Variants in ABLIM2 observed in about 807,000 individuals in gnomAD.
The protein encoded by ABLIM2 is actin binding LIM protein family member 2, also known as actin-binding LIM protein 2.
In ABLIM2, 53 loss-of-function variants were observed where a neutral mutation model predicts 97.7. That is an observed-to-expected ratio of 0.54 (90% CI 0.44 to 0.68). ABLIM2 has a LOEUF of 0.68. Among genes scored for constraint, ABLIM2 ranks in the 30% least tolerant of loss-of-function variants. The probability of loss-of-function intolerance (pLI) is 0.00; values close to 1 mark genes in which losing one functional copy is unlikely to be tolerated. For synonymous variants in ABLIM2, 361 were observed against 345.8 expected, an observed-to-expected ratio of 1.04 and a Z score of -0.49; for missense variants, 835 against 867.2, an observed-to-expected ratio of 0.96 and a Z score of 0.47.
At position 8,046,817 on chromosome 4, in the gene ABLIM2, C is replaced by T. The variant is rs140181458; in HGVS notation, c.823-1576G>A. Among the ~76,000 whole-genome samples, 131 of 152,208 alleles carry T rather than the reference C, an allele frequency of 8.6e-4. No individual in the cohort carries two copies. In the Middle Eastern group the frequency reaches 0.01, roughly 12 times the overall value. On this transcript the variant is annotated intron_variant, in intron 8 of 20. Transcript: ENST00000447017. This position sits in a 1 kb window ranked among gnomAD's most constrained non-coding sequence, Gnocchi z 4.4. ...TAATCTGTTATGCCTGGGGTTTCTA[C>T]GAGCAGGGATCAGGACACAGACACA...
chr4:8,027,875 G>T lies in ABLIM2; in HGVS notation c.1169-18C>A. 1 of 1,551,884 alleles carries T rather than the reference G, an allele frequency of 6.4e-7. No homozygotes were observed. Among genetic ancestry groups the T allele is most frequent in the Non-Finnish European group, 8.7e-7 (1 of 1,149,378 alleles). ...AGTACCAGCTACGGGGTAACAGAGA[G>T]CAAGTCAGAGTCAACCTGGGCTGGC... On this transcript the variant is annotated intron_variant, in intron 11 of 20. Transcript: ENST00000447017.
At chr4:7,991,358 A>G (rs1320419161) in intron 17 of ABLIM2, among the ~76,000 whole-genome samples, 1 of 151,970 alleles carries the variant, frequency 6.6e-6, no homozygotes, top group African/African-American at 2.4e-5. Flanking sequence ...TATTGAGGAA[A>G]GTCTCCAGGA....
chr4:8,048,241 C>T lies in ABLIM2; in HGVS notation c.823-3000G>A, dbSNP rs141923625. Among the ~76,000 whole-genome samples, 1,251 of 152,322 alleles carry T rather than the reference C, an allele frequency of 8.2e-3. 13 individuals are homozygous for T. Among genetic ancestry groups the T allele is most frequent in the Non-Finnish European group, 0.014 (942 of 68,030 alleles). ...AGGCTGGAGCTTTTTCTGACTTTCT[C>T]CCTACCCAACTCCAATCGCACAAAG... On this transcript the variant is annotated intron_variant, in intron 8 of 20. Coordinates refer to ENST00000447017, the MANE Select transcript of ABLIM2 (RefSeq NM_001130083.2).
rs1277731184 is a variant in ABLIM2, at chr4:8,127,540, G to A, written c.11-20903C>T. The A allele has an allele frequency of 7.8e-7, 1 of 1,289,654 alleles. No homozygotes were observed. The highest frequency in any genetic ancestry group is 1.0e-6 in the Non-Finnish European group (1 of 988,854). The allele number at this position is 1,289,654 out of a possible 1,614,324, so 79.9% of individuals were successfully genotyped here. A position where few individuals can be genotyped will look rare whatever the true frequency, so the allele number is the denominator to read the frequency against. On this transcript the variant is annotated intron_variant, in intron 1 of 20. Transcript: ENST00000447017. The surrounding 1 kb of genome is among the most constrained non-coding windows in gnomAD (Gnocchi z 7.3). ...GGTCTGGGCAAAAGCGCAGTTTGGG[G>A]ATTTACCTGTGTCTCCCCCTGGCAC...
At position 8,061,166 on chromosome 4, in the gene ABLIM2, T is replaced by G; in HGVS notation, c.676-112A>C. 1 of 894,466 alleles carries G rather than the reference T, an allele frequency of 1.1e-6. No individual in the cohort carries two copies. Among genetic ancestry groups the G allele is most frequent in the Non-Finnish European group, 1.7e-6 (1 of 576,950 alleles). 55.4% of individuals were successfully genotyped at this position (894,466 alleles called of 1,614,324 possible). On this transcript the variant is annotated intron_variant, in intron 6 of 20. Transcript: ENST00000447017. The surrounding 1 kb of genome is among the most constrained non-coding windows in gnomAD (Gnocchi z 4.5). Reference sequence around the variant, plus strand: ...CTGAGCACAGGTACTCAGGGGATACTGGAAGGGCCAGCCCCCACCATCGGG... The same window carrying G: ...CTGAGCACAGGTACTCAGGGGATACGGGAAGGGCCAGCCCCCACCATCGGG...
chr4:8,011,170 C>A (rs1238226451), intron 14 of ABLIM2, among the ~76,000 whole-genome samples: 1 of 152,228 alleles, frequency 6.6e-6, no homozygotes, highest in Non-Finnish European at 1.5e-5. Flanking sequence ...CAGGGACTTT[C>A]CTTGGCCATG....
In ABLIM2 at chr4:8,106,477, G is replaced by A; in HGVS notation, c.154+17C>T. The A allele has an allele frequency of 1.9e-6, 3 of 1,584,490 alleles. No homozygotes were observed. Among genetic ancestry groups the A allele is most frequent in the Non-Finnish European group, 2.6e-6 (3 of 1,165,384 alleles). ...CCGTTTCAGGGGCCACACTGCAGGG[G>A]ACCGGGGGACACTCACCTTTACAGA... On this transcript the variant is annotated intron_variant, in intron 2 of 20. Transcript: ENST00000447017.
intron 20 of ABLIM2, among the ~76,000 whole-genome samples, chr4:7,976,802 C>A (rs1245104973): frequency 6.6e-6 from 1 of 152,086 alleles, no homozygotes; most frequent in Non-Finnish European, 1.5e-5. Context: ...TACACACATA[C>A]ACATGTATAC....
At chr4:8,006,945 A>G in intron 16 of ABLIM2, 2 of 851,350 alleles carry the variant, frequency 2.3e-6, no homozygotes, top group Non-Finnish European at 2.8e-6. Context: ...GGTATTTACA[A>G]AGCTGCACCC....
Position 8,061,462 on chromosome 4 carries a change from G to A in ABLIM2, c.676-408C>T, listed in dbSNP as rs188885369. On this transcript the variant is annotated intron_variant, in intron 6 of 20. Transcript: ENST00000447017. This position sits in a 1 kb window ranked among gnomAD's most constrained non-coding sequence, Gnocchi z 4.5. The stretch of plus-strand genomic sequence containing the variant: ...AGGGAAAGATAATATGATTTCCCTA[G>A]GTGCAAGAATTAGGGGAGTGGGGTG... Among the ~76,000 whole-genome samples, 215 of 152,154 alleles carry A rather than the reference G, an allele frequency of 1.4e-3. 1 individual carries two copies. The highest frequency in any genetic ancestry group is 2.6e-3 in the Non-Finnish European group (176 of 67,978).
chr4:8,036,869 C>T (rs562602467), intron 9 of ABLIM2, among the ~76,000 whole-genome samples: 9 of 151,842 alleles, frequency 5.9e-5, no homozygotes, highest in Admixed American at 2.0e-4. Flanking sequence ...CACACACAAA[C>T]ACACATATAG....
chr4:8,108,960 G>A (rs1274070884), intron 1 of ABLIM2, among the ~76,000 whole-genome samples: 3 of 152,262 alleles, frequency 2.0e-5, no homozygotes, highest in Admixed American at 2.0e-4. Context: ...CCAGGCCAGA[G>A]CGAGGAGTGG....
rs954976469 is a variant in ABLIM2 at position 8,075,562 on chromosome 4, G to A, written c.675+2066C>T. Among the ~76,000 whole-genome samples the A allele has an allele frequency of 2.0e-5, 3 of 152,034 alleles. No homozygotes were observed. Among genetic ancestry groups the A allele is most frequent in the South Asian group, 2.1e-4 (1 of 4,816 alleles). ...ACAAAAATTAGCCAGGTGTGGTGGC[G>A]CACACCTGTAGTCCCAGCTGGTCGG... On this transcript the variant is annotated intron_variant, in intron 6 of 20. Transcript: ENST00000447017. This position sits in a 1 kb window ranked among gnomAD's most constrained non-coding sequence, Gnocchi z 4.4.
chr4:8,041,130 T>G (rs995614876), intron 9 of ABLIM2, among the ~76,000 whole-genome samples: 1 of 152,232 alleles, frequency 6.6e-6, no homozygotes, highest in East Asian at 1.9e-4. Flanking sequence ...TGAGACACAG[T>G]GCACCACGCT....
chr4:8,158,682 G>A lies in ABLIM2; in HGVS notation c.8C>T (p.Ala3Val), dbSNP rs1242492605. The A allele has an allele frequency of 2.0e-6, 3 of 1,485,484 alleles. No homozygotes were observed. Among genetic ancestry groups the A allele is most frequent in the Admixed American group, 2.3e-5 (1 of 44,172 alleles). 92.0% of individuals were successfully genotyped at this position (1,485,484 alleles called of 1,614,324 possible). The change falls in exon 1 of 21, where the codon GCA becomes GTA. Residue 3 changes from alanine to valine, a missense_variant and splice_region_variant. Physicochemically the swap from Ala to Val is moderately conservative, Grantham distance 64. Coordinates refer to ENST00000447017, the MANE Select transcript of ABLIM2 (RefSeq NM_001130083.2). Reference sequence around the variant, plus strand: ...GTCCCTCGGTCCCCAGCACCCACCTGCACTCATCTCAGCAGCCGCTCGGAG... The same window carrying A: ...GTCCCTCGGTCCCCAGCACCCACCTACACTCATCTCAGCAGCCGCTCGGAG... Reference protein sequence around the residue: MSAVSQPQAAPSP... With the variant: MSVVSQPQAAPSP...
Position 8,112,703 on chromosome 4 carries a change from C to T in ABLIM2, c.11-6066G>A, listed in dbSNP as rs1301931512. On this transcript the variant is annotated intron_variant, in intron 1 of 20. Transcript: ENST00000447017. This position sits in a 1 kb window ranked among gnomAD's most constrained non-coding sequence, Gnocchi z 4.2. ...ACACAACAGCCACGGTCCCAGCCCT[C>T]GACATTCTCTTGTTTGTTCCATACC... Among the ~76,000 whole-genome samples the T allele has an allele frequency of 1.3e-5, 2 of 152,160 alleles. No individual in the cohort carries two copies. Among genetic ancestry groups the T allele is most frequent in the Non-Finnish European group, 2.9e-5 (2 of 68,026 alleles).
chr4:8,068,148 G>A lies in ABLIM2; in HGVS notation c.676-7094C>T, dbSNP rs1372397681. ...CCACCCGAGGAGTGCCTGAAACCTC[G>A]GCCGCTGGTTGTTCCAGTGGGCGCA... On this transcript the variant is annotated intron_variant, in intron 6 of 20. Transcript: ENST00000447017. The surrounding 1 kb of genome is among the most constrained non-coding windows in gnomAD (Gnocchi z 4.5). Among the ~76,000 whole-genome samples the A allele has an allele frequency of 6.6e-6, 1 of 152,106 alleles. No individual in the cohort carries two copies. The highest frequency in any genetic ancestry group is 1.5e-5 in the Non-Finnish European group (1 of 68,024).
At chr4:8,151,032 T>C (rs954677416) in intron 1 of ABLIM2, among the ~76,000 whole-genome samples, 1 of 152,166 alleles carries the variant, frequency 6.6e-6, no homozygotes, top group Non-Finnish European at 1.5e-5. Flanking sequence ...CATCTCTGAG[T>C]CTACAGTAAC....
Position 8,020,185 on chromosome 4 carries a change from C to A in ABLIM2, c.1369+17G>T. ...GTTTCAGTGTAAGGAGCCCAGCCAG[C>A]GTGTCCCGGAGCCTACCTGGGACGT... On this transcript the variant is annotated intron_variant, in intron 13 of 20. Transcript: ENST00000447017. The A allele has an allele frequency of 6.2e-7, 1 of 1,606,714 alleles. No individual in the cohort carries two copies. The highest frequency in any genetic ancestry group is 1.1e-5 in the South Asian group (1 of 90,076).
Sources: allele counts gnomAD v4.1 joint callset (sites outside exome capture counted in the v4.1 genomes callset), GRCh38; gene constraint gnomAD v4.1.1; non-coding constraint Gnocchi (gnomAD v3.1); transcripts MANE v1.5; gene names NCBI Gene and HGNC (gene_info 2026-07-23, HGNC 2026-07-21).